The following NHERF1 variants were observed in gnomAD, a reference collection of about 807,000 sequenced individuals.
NHERF1 encodes the protein NHERF family PDZ scaffold protein 1.
At chr17:74,764,092 G>A in the NHERF1 span, among the ~76,000 whole-genome samples, 6 of 152,188 alleles carry the variant, frequency 3.9e-5, no homozygotes, top group South Asian at 2.1e-4. The surrounding 1 kb of genome is among the most constrained non-coding windows in gnomAD (Gnocchi z 4.9). Context: ...GCCCAGGCCC[G>A]AGCCAAACAG....
At chr17:74,757,993 G>A in the NHERF1 span, among the ~76,000 whole-genome samples, 36 of 152,320 alleles carry the variant, frequency 2.4e-4, 2 homozygotes, top group Admixed American at 1.4e-3. Context: ...TAGCTGGCTC[G>A]AAGGAAGCGG....
the NHERF1 span, chr17:74,749,373 G>T: frequency 7.8e-7 from 1 of 1,287,182 alleles, no homozygotes; most frequent in South Asian, 1.5e-5. The surrounding 1 kb of genome is among the most constrained non-coding windows in gnomAD (Gnocchi z 5.6). Context: ...CCAGCCCCGC[G>T]CCCGCCGTCG....
At chr17:74,763,130 G>C in the NHERF1 span, 2 of 488,546 alleles carry the variant, frequency 4.1e-6, no homozygotes, top group Admixed American at 3.5e-5. Flanking sequence ...GTTTAGTCTC[G>C]TCTGGATATT....
the NHERF1 span, chr17:74,749,092 A>G: frequency 1.3e-6 from 2 of 1,586,250 alleles, no homozygotes; most frequent in Non-Finnish European, 8.5e-7. The surrounding 1 kb of genome is among the most constrained non-coding windows in gnomAD (Gnocchi z 5.6). Context: ...TCCGCGCCGC[A>G]CTCAACGCCG....
chr17:74,749,079 G>T, the NHERF1 span: 1 of 1,590,108 alleles, frequency 6.3e-7, no homozygotes, highest in Non-Finnish European at 8.5e-7. This position sits in a 1 kb window ranked among gnomAD's most constrained non-coding sequence, Gnocchi z 5.6. Flanking sequence ...GTGGTGAGCC[G>T]CATCCGCGCC....
chr17:74,768,510 C>A, the NHERF1 span: 1 of 1,614,144 alleles, frequency 6.2e-7, no homozygotes, highest in Non-Finnish European at 8.5e-7. Flanking sequence ...CTCCACAGCG[C>A]CCTCGTCTAC....
the NHERF1 span, chr17:74,748,711 T>C: frequency 1.3e-6 from 1 of 755,942 alleles, no homozygotes; most frequent in South Asian, 1.9e-5. The surrounding 1 kb of genome is among the most constrained non-coding windows in gnomAD (Gnocchi z 4.3). Context: ...CTGGGACACC[T>C]GCTTGCTTGG....
At chr17:74,764,758 C>A in the NHERF1 span, among the ~76,000 whole-genome samples, 2 of 152,218 alleles carry the variant, frequency 1.3e-5, no homozygotes, top group Non-Finnish European at 2.9e-5. This position sits in a 1 kb window ranked among gnomAD's most constrained non-coding sequence, Gnocchi z 4.9. Flanking sequence ...ACAGTCCCCT[C>A]CCCGCAGTCC....
the NHERF1 span, chr17:74,763,368 T>C: frequency 6.2e-7 from 1 of 1,612,884 alleles, no homozygotes; most frequent in Non-Finnish European, 8.5e-7. Flanking sequence ...GCCCTGCAGG[T>C]GAACGGGGTC....
the NHERF1 span, chr17:74,767,097 TC>T: frequency 1.2e-6 from 1 of 852,344 alleles, no homozygotes; most frequent in African/African-American, 1.7e-5. Context: ...GGTCCCCAGT[TC>T]CAGCTCCTTC....
the NHERF1 span, among the ~76,000 whole-genome samples, chr17:74,759,576 C>T: frequency 6.6e-6 from 1 of 152,246 alleles, no homozygotes; most frequent in African/African-American, 2.4e-5. Flanking sequence ...CTTCATCCCC[C>T]AGCTCAGGCT....
At chr17:74,755,429 C>T in the NHERF1 span, among the ~76,000 whole-genome samples, 1 of 152,196 alleles carries the variant, frequency 6.6e-6, no homozygotes. Flanking sequence ...TTGACCGAAG[C>T]CTTCCCCTCA....
chr17:74,752,490 T>TTTTTTGTTTTTG, the NHERF1 span, among the ~76,000 whole-genome samples: 1 of 151,900 alleles, frequency 6.6e-6, no homozygotes, highest in Non-Finnish European at 1.5e-5. Context: ...TTCCTTCACT[T>TTTTTTGTTTTTG]TTTTTGTTTT....
chr17:74,750,058 G>C, the NHERF1 span, among the ~76,000 whole-genome samples: 1 of 152,220 alleles, frequency 6.6e-6, no homozygotes, highest in Admixed American at 6.5e-5. Flanking sequence ...AGAAGAAAAA[G>C]ATGGCCATGG....
chr17:74,763,239 A>T, the NHERF1 span: 4 of 795,260 alleles, frequency 5.0e-6, no homozygotes, highest in South Asian at 7.1e-5. Flanking sequence ...GGGGGTCAGT[A>T]TCCCCAGGTT....
the NHERF1 span, among the ~76,000 whole-genome samples, chr17:74,767,611 C>G: frequency 8.7e-3 from 1,323 of 152,312 alleles, 19 homozygotes; most frequent in African/African-American, 0.03. Flanking sequence ...TTGGACCCAG[C>G]CCTCAACCTT....
chr17:74,765,993 G>A, the NHERF1 span, among the ~76,000 whole-genome samples: 1 of 152,144 alleles, frequency 6.6e-6, no homozygotes, highest in African/African-American at 2.4e-5. Flanking sequence ...GTGCTGCCAA[G>A]GTCCAGGAAT....
At chr17:74,762,512 G>A in the NHERF1 span, among the ~76,000 whole-genome samples, 2 of 152,070 alleles carry the variant, frequency 1.3e-5, no homozygotes, top group Non-Finnish European at 2.9e-5. The surrounding 1 kb of genome is among the most constrained non-coding windows in gnomAD (Gnocchi z 4.2). Flanking sequence ...CACAGAGTGG[G>A]GTGGCAGTAA....
At chr17:74,768,061 G>GC in the NHERF1 span, 1 of 926,244 alleles carries the variant, frequency 1.1e-6, no homozygotes, top group Admixed American at 1.7e-5. Context: ...TCAGTCTGAG[G>GC]CCCCTACTTC....
Sources: allele counts gnomAD v4.1 joint callset (sites outside exome capture counted in the v4.1 genomes callset), GRCh38; gene constraint gnomAD v4.1.1; non-coding constraint Gnocchi (gnomAD v3.1); transcripts MANE v1.5; gene names NCBI Gene and HGNC (gene_info 2026-07-23, HGNC 2026-07-21).